Variants in DPYD observed in about 807,000 individuals in gnomAD.
DPYD encodes dihydropyrimidine dehydrogenase [NADP(+)].
In DPYD, 109 loss-of-function variants were observed where a neutral mutation model predicts 116.2. The ratio of observed to expected loss-of-function variants is 0.94; its 90% CI spans 0.80 to 1.10. DPYD has a LOEUF of 1.10. DPYD is among the 50% of genes least tolerant of loss of function. The probability of loss-of-function intolerance (pLI) is 0.00; values close to 1 mark genes in which losing one functional copy is unlikely to be tolerated. For missense variants in DPYD, 1,302 were observed against 1,254.5 expected (o/e 1.04, Z -0.57); for synonymous variants, 440 against 432.0 (o/e 1.02, Z -0.23).
At chr1:97,719,793 T>A (rs1662818733) in intron 5 of DPYD, 1 of 984,438 alleles carries the variant, frequency 1.0e-6, no homozygotes, top group South Asian at 4.7e-5. Context: ...TAATTTATAA[T>A]TTGATATTGA....
chr1:97,287,591 GC>G (rs1016668656), intron 18 of DPYD, among the ~76,000 whole-genome samples: 7 of 152,312 alleles, frequency 4.6e-5, no homozygotes, highest in African/African-American at 1.7e-4. Context: ...CCCAGTTGGA[GC>G]TTTCTGGCTG....
intron 20 of DPYD, among the ~76,000 whole-genome samples, chr1:97,127,000 T>C (rs772283579): frequency 1.3e-5 from 2 of 152,166 alleles, no homozygotes; most frequent in Admixed American, 6.5e-5. Context: ...AACCCAAAGA[T>C]AAATAGTACT....
At chr1:97,478,309 G>A (rs1475407034) in intron 13 of DPYD, among the ~76,000 whole-genome samples, 1 of 151,836 alleles carries the variant, frequency 6.6e-6, no homozygotes. Context: ...TTTTCTTTGA[G>A]ATGGAGTCTT....
chr1:97,448,301 T>A (rs927198988), intron 14 of DPYD, among the ~76,000 whole-genome samples: 12 of 152,134 alleles, frequency 7.9e-5, no homozygotes, highest in African/African-American at 2.9e-4. Flanking sequence ...AAAAGCAAAT[T>A]TCAAGTTCAA....
chr1:97,539,999 C>T (rs985838993), intron 12 of DPYD, among the ~76,000 whole-genome samples: 1 of 152,056 alleles, frequency 6.6e-6, no homozygotes, highest in East Asian at 1.9e-4. Flanking sequence ...TCAGTTTCTC[C>T]ACTAAAATCT....
At chr1:97,838,742 G>A (rs894012776) in intron 2 of DPYD, among the ~76,000 whole-genome samples, 1 of 152,188 alleles carries the variant, frequency 6.6e-6, no homozygotes, top group Non-Finnish European at 1.5e-5. Flanking sequence ...GTACTTGGGA[G>A]GCTGAGGCAG....
chr1:97,838,485 T>C (rs1669880289), intron 2 of DPYD, among the ~76,000 whole-genome samples: 1 of 152,220 alleles, frequency 6.6e-6, no homozygotes, highest in South Asian at 2.1e-4. Flanking sequence ...ATTTTTCAAG[T>C]TACTCAATAT....
intron 11 of DPYD, among the ~76,000 whole-genome samples, chr1:97,567,821 A>T (rs866622174): frequency 1.1e-4 from 17 of 152,146 alleles, no homozygotes; most frequent in Admixed American, 3.9e-4. Context: ...AAAGTCATTT[A>T]AAAATATGTG....
chr1:97,466,523 T>C (rs1229227579), intron 13 of DPYD, among the ~76,000 whole-genome samples: 2 of 152,160 alleles, frequency 1.3e-5, no homozygotes, highest in Non-Finnish European at 2.9e-5. Flanking sequence ...TCAAGATTGA[T>C]AAAAGCATCT....
chr1:97,883,730 AG>A, intron 1 of DPYD: 1 of 359,118 alleles, frequency 2.8e-6, no homozygotes, highest in African/African-American at 2.2e-5. Flanking sequence ...TACAGGTGTG[AG>A]CCACCATGTC....
At chr1:97,405,995 T>A (rs886924457) in intron 14 of DPYD, among the ~76,000 whole-genome samples, 2 of 152,116 alleles carry the variant, frequency 1.3e-5, no homozygotes, top group African/African-American at 2.4e-5. Context: ...TCTAGATAAA[T>A]CTCACAATAT....
At chr1:97,416,817 G>A (rs548463124) in intron 14 of DPYD, among the ~76,000 whole-genome samples, 1 of 152,290 alleles carries the variant, frequency 6.6e-6, no homozygotes, top group South Asian at 2.1e-4. Flanking sequence ...ACCCAGAGGT[G>A]CTCATCGAAC....
chr1:97,692,627 T>C (rs1202004921), intron 6 of DPYD, among the ~76,000 whole-genome samples: 1 of 152,186 alleles, frequency 6.6e-6, no homozygotes, highest in African/African-American at 2.4e-5. Context: ...AGGCACAGTG[T>C]TTACGAAGTG....
chr1:97,295,671 T>C, intron 18 of DPYD: 1 of 704,978 alleles, frequency 1.4e-6, no homozygotes, highest in Non-Finnish European at 1.7e-6. Context: ...GCTCAAGCAA[T>C]CTGCCCGCCG....
At chr1:97,337,635 G>A (rs1332077186) in intron 16 of DPYD, among the ~76,000 whole-genome samples, 1 of 141,266 alleles carries the variant, frequency 7.1e-6, no homozygotes, top group East Asian at 2.0e-4. Flanking sequence ...CTAAGTTGAA[G>A]GCTCATGACT....
At chr1:97,212,841 T>C (rs1034051103) in intron 19 of DPYD, among the ~76,000 whole-genome samples, 4 of 152,140 alleles carry the variant, frequency 2.6e-5, no homozygotes, top group African/African-American at 9.7e-5. Flanking sequence ...ATATCACAAC[T>C]TGCCATCCTG....
At chr1:97,800,022 A>C (rs10518643) in intron 3 of DPYD, among the ~76,000 whole-genome samples, 7,379 of 152,012 alleles carry the variant, frequency 0.049, 579 homozygotes, top group African/African-American at 0.16. Context: ...GCGAAGGCAC[A>C]AGAACTAGAC....
chr1:97,500,346 T>C (rs1436636365), intron 13 of DPYD, among the ~76,000 whole-genome samples: 1 of 152,012 alleles, frequency 6.6e-6, no homozygotes, highest in Non-Finnish European at 1.5e-5. Flanking sequence ...TCATTACAAA[T>C]ACAATTTTTA....
chr1:97,564,624 C>A (rs1652388749), intron 11 of DPYD, among the ~76,000 whole-genome samples: 1 of 152,144 alleles, frequency 6.6e-6, no homozygotes, highest in African/African-American at 2.4e-5. Flanking sequence ...CCATTTCACT[C>A]AGATCTCTTC....
Sources: gnomAD v4.1 joint callset for allele counts (sites outside exome capture counted in the v4.1 genomes callset) on GRCh38, gnomAD v4.1.1 for gene constraint, MANE v1.5 for transcripts, NCBI Gene and HGNC (gene_info 2026-07-23, HGNC 2026-07-21) for gene names.